The following XKR6 variants were observed in gnomAD, a reference collection of about 807,000 sequenced individuals.
The protein encoded by XKR6 is XK-related protein 6.
In XKR6, 22 loss-of-function variants were observed where a neutral mutation model predicts 56.7. That is an observed-to-expected ratio of 0.39 (90% CI 0.28 to 0.55). The LOEUF (loss-of-function observed/expected upper bound fraction) is 0.55, where lower values mean the gene tolerates loss of function less well. Among genes scored for constraint, XKR6 ranks in the 20% least tolerant of loss-of-function variants. The pLI is 0.66. For synonymous variants in XKR6, 524 were observed against 387.8 expected (o/e 1.35, Z -4.13); for missense variants, 852 against 889.0 (o/e 0.96, Z 0.53).
intron 1 of XKR6, among the ~76,000 whole-genome samples, chr8:11,183,314 C>A (rs937630854): frequency 1.3e-5 from 2 of 152,150 alleles, no homozygotes. Context: ...CCCCATTCCA[C>A]ATTCCTATCA....
At chr8:10,946,918 G>A (rs953175612) in intron 1 of XKR6, among the ~76,000 whole-genome samples, 1 of 152,032 alleles carries the variant, frequency 6.6e-6, no homozygotes, top group Non-Finnish European at 1.5e-5. Flanking sequence ...AGGGAAAGAG[G>A]GTGCTCCAGG....
intron 1 of XKR6, among the ~76,000 whole-genome samples, chr8:11,174,139 T>C (rs977877379): frequency 6.6e-6 from 1 of 152,244 alleles, no homozygotes. Context: ...ACACACTGGC[T>C]AAGGCTCTGA....
At chr8:11,051,413 A>G (rs1203429706) in intron 1 of XKR6, among the ~76,000 whole-genome samples, 1 of 152,132 alleles carries the variant, frequency 6.6e-6, no homozygotes, top group Non-Finnish European at 1.5e-5. Flanking sequence ...ACACTTCCCC[A>G]GGGGTGTTTC....
intron 1 of XKR6, among the ~76,000 whole-genome samples, chr8:11,050,010 A>G (rs564566053): frequency 6.6e-6 from 1 of 152,240 alleles, no homozygotes; most frequent in South Asian, 2.1e-4. Flanking sequence ...AACCACAGAG[A>G]TCTCGCATTT....
chr8:10,973,816 C>G (rs975778829), intron 1 of XKR6, among the ~76,000 whole-genome samples: 6 of 152,172 alleles, frequency 3.9e-5, no homozygotes, highest in African/African-American at 1.4e-4. Flanking sequence ...AACTCATGAG[C>G]TCAAGCAATC....
At chr8:10,988,795 T>A (rs1227229355) in intron 1 of XKR6, among the ~76,000 whole-genome samples, 1 of 152,294 alleles carries the variant, frequency 6.6e-6, no homozygotes, top group African/African-American at 2.4e-5. Context: ...CCTCAAAACA[T>A]GTGAACCATG....
intron 1 of XKR6, among the ~76,000 whole-genome samples, chr8:11,179,833 C>T (rs1307039689): frequency 6.6e-6 from 1 of 152,124 alleles, no homozygotes; most frequent in Non-Finnish European, 1.5e-5. Context: ...AGATTATAAA[C>T]AGGACTTTTT....
intron 1 of XKR6, among the ~76,000 whole-genome samples, chr8:10,970,758 T>C (rs1236152424): frequency 6.6e-6 from 1 of 150,808 alleles, no homozygotes; most frequent in Non-Finnish European, 1.5e-5. Context: ...TAAAATGTAA[T>C]ATTTTTGCCC....
intron 1 of XKR6, among the ~76,000 whole-genome samples, chr8:10,925,078 C>T (rs1250778916): frequency 1.3e-5 from 2 of 152,156 alleles, no homozygotes; most frequent in Non-Finnish European, 2.9e-5. Flanking sequence ...AGGTCTTCCT[C>T]CTCCTGGTCT....
At chr8:11,024,131 C>A (rs1798807218) in intron 1 of XKR6, among the ~76,000 whole-genome samples, 1 of 152,074 alleles carries the variant, frequency 6.6e-6, no homozygotes, top group African/African-American at 2.4e-5. Context: ...TTCAGGAATT[C>A]CCTCGCCCTC....
intron 1 of XKR6, among the ~76,000 whole-genome samples, chr8:10,980,016 C>A (rs897224111): frequency 6.6e-6 from 1 of 152,202 alleles, no homozygotes; most frequent in African/African-American, 2.4e-5. Flanking sequence ...ATGCCAAACC[C>A]TGAGGCAGAC....
At chr8:11,038,400 C>T (rs1250190587) in intron 1 of XKR6, among the ~76,000 whole-genome samples, 1 of 151,856 alleles carries the variant, frequency 6.6e-6, no homozygotes, top group East Asian at 1.9e-4. Flanking sequence ...ATAATTAAAT[C>T]AGAGAGCAGG....
intron 1 of XKR6, among the ~76,000 whole-genome samples, chr8:11,016,010 A>G (rs994227748): frequency 6.7e-6 from 1 of 150,214 alleles, no homozygotes; most frequent in Non-Finnish European, 1.5e-5. Context: ...CGGTTTGGTC[A>G]GCAGACCCCC....
At chr8:11,096,465 G>A (rs1349128270) in intron 1 of XKR6, among the ~76,000 whole-genome samples, 3 of 152,202 alleles carry the variant, frequency 2.0e-5, no homozygotes, top group Non-Finnish European at 4.4e-5. Context: ...CAGTGAACAT[G>A]TATTATGTTT....
intron 1 of XKR6, among the ~76,000 whole-genome samples, chr8:11,187,067 CTT>C (rs926022184): frequency 1.3e-5 from 2 of 152,158 alleles, no homozygotes; most frequent in African/African-American, 4.8e-5. Context: ...TAGTGTTGCT[CTT>C]TTTTTGTTTA....
At chr8:10,954,983 C>T (rs1801839711) in intron 1 of XKR6, among the ~76,000 whole-genome samples, 1 of 150,796 alleles carries the variant, frequency 6.6e-6, no homozygotes, top group Non-Finnish European at 1.5e-5. Context: ...ATTCTCCAGC[C>T]TCAGTCTCCC....
At chr8:11,027,019 C>G (rs543304638) in intron 1 of XKR6, among the ~76,000 whole-genome samples, 1 of 151,932 alleles carries the variant, frequency 6.6e-6, no homozygotes, top group African/African-American at 2.4e-5. Context: ...CACTTAGATG[C>G]TGTTGCCTAC....
At chr8:11,195,212 G>A (rs1206999622) in intron 1 of XKR6, 3 of 702,514 alleles carry the variant, frequency 4.3e-6, no homozygotes, top group African/African-American at 3.5e-5. Flanking sequence ...GTACCAAAGG[G>A]TCTTGCCCAC....
At chr8:11,057,375 A>G (rs1366521597) in intron 1 of XKR6, among the ~76,000 whole-genome samples, 1 of 152,192 alleles carries the variant, frequency 6.6e-6, no homozygotes, top group East Asian at 1.9e-4. Flanking sequence ...ACTGCTTTGA[A>G]ACAAACAGGG....
Sources: gnomAD v4.1 joint callset for allele counts (sites outside exome capture counted in the v4.1 genomes callset) on GRCh38, gnomAD v4.1.1 for gene constraint, MANE v1.5 for transcripts, NCBI Gene and HGNC (gene_info 2026-07-23, HGNC 2026-07-21) for gene names.